Variants in NALF1 observed in about 807,000 individuals in gnomAD.
NALF1 encodes the protein NALCN channel auxiliary factor 1.
A neutral mutation model predicts 48.4 loss-of-function variants in NALF1; 3 were observed. The ratio of observed to expected loss-of-function variants is 0.06; its 90% CI spans 0.03 to 0.16. The LOEUF is 0.16. Among genes scored for constraint, NALF1 ranks in the 10% least tolerant of loss-of-function variants. The probability of loss-of-function intolerance (pLI) is 1.00; values close to 1 mark genes in which losing one functional copy is unlikely to be tolerated. For missense variants in NALF1, 526 were observed against 571.5 expected, an observed-to-expected ratio of 0.92 and a Z score of 0.81; for synonymous variants, 262 against 245.7, an observed-to-expected ratio of 1.07 and a Z score of -0.62.
At chr13:107,832,215 G>T (rs116179687) in intron 1 of NALF1, among the ~76,000 whole-genome samples, 2,939 of 151,614 alleles carry the variant, frequency 0.019, 108 homozygotes, top group African/African-American at 0.066. Flanking sequence ...CTACCTTCAA[G>T]CTGATAATTA....
intron 1 of NALF1, among the ~76,000 whole-genome samples, chr13:107,219,151 T>C (rs780993478): frequency 9.2e-5 from 14 of 152,204 alleles, no homozygotes; most frequent in Non-Finnish European, 1.3e-4. Flanking sequence ...CTTCTGAGTG[T>C]TGGCCGTGGA....
intron 1 of NALF1, among the ~76,000 whole-genome samples, chr13:107,290,067 G>A (rs1405846069): frequency 7.3e-5 from 11 of 151,274 alleles, no homozygotes; most frequent in African/African-American, 2.4e-4. Flanking sequence ...TGGGTGCTTG[G>A]ACTTAGTAGA....
chr13:107,615,318 A>G (rs1456163746), intron 1 of NALF1, among the ~76,000 whole-genome samples: 1 of 151,998 alleles, frequency 6.6e-6, no homozygotes, highest in Non-Finnish European at 1.5e-5. Flanking sequence ...TCTATTTTCC[A>G]TTCTTTTGCC....
At chr13:107,437,312 C>A (rs557349462) in intron 1 of NALF1, among the ~76,000 whole-genome samples, 4 of 152,288 alleles carry the variant, frequency 2.6e-5, no homozygotes, top group African/African-American at 9.6e-5. Context: ...AGTCCGATCA[C>A]TTTGAAAAAT....
At chr13:107,524,263 G>A (rs1196802918) in intron 1 of NALF1, among the ~76,000 whole-genome samples, 1 of 152,036 alleles carries the variant, frequency 6.6e-6, no homozygotes, top group South Asian at 2.1e-4. Context: ...AGTTGAAGAT[G>A]TTGGAAAAGT....
chr13:107,423,407 G>A (rs976955550), intron 1 of NALF1, among the ~76,000 whole-genome samples: 2 of 152,122 alleles, frequency 1.3e-5, no homozygotes, highest in Non-Finnish European at 2.9e-5. Context: ...GAAAGCTTTC[G>A]TCGGTGGAGA....
At chr13:107,461,615 T>C (rs1377443777) in intron 1 of NALF1, among the ~76,000 whole-genome samples, 2 of 152,220 alleles carry the variant, frequency 1.3e-5, no homozygotes, top group Non-Finnish European at 2.9e-5. Flanking sequence ...GTCAAAAATA[T>C]TTTCAAGTTT....
rs137922229 is a variant in NALF1, at chr13:107,201,438, G to A, written c.1087+9146C>T. Among the ~76,000 whole-genome samples the A allele has an allele frequency of 3.4e-3, 524 of 152,266 alleles. 1 individual carries two copies. Among genetic ancestry groups the A allele is most frequent in the African/African-American group, 0.011 (465 of 41,568 alleles). On this transcript the variant is annotated intron_variant, in intron 2 of 2. Coordinates refer to ENST00000375915, the MANE Select transcript of NALF1 (RefSeq NM_001080396.3). ...AAAAATACCAAAAAACCAGCCGGAC[G>A]TGGTGGCGGGCGCCTGTAGTCCCAG...
chr13:107,679,731 A>T (rs1051751996), intron 1 of NALF1, among the ~76,000 whole-genome samples: 1 of 152,024 alleles, frequency 6.6e-6, no homozygotes, highest in Non-Finnish European at 1.5e-5. Flanking sequence ...TGGTGCCTCC[A>T]TTTTTACAAC....
At chr13:107,173,604 C>T (rs542046751) in intron 2 of NALF1, among the ~76,000 whole-genome samples, 14 of 152,328 alleles carry the variant, frequency 9.2e-5, no homozygotes, top group African/African-American at 3.4e-4. Flanking sequence ...GTCTCCACTG[C>T]TCCGTGCACT....
chr13:107,865,898 C>T lies in NALF1; in HGVS notation c.699G>A (p.Glu233=). 6.2e-7 allele frequency: 1 copy of T among 1,614,124 alleles called. No homozygotes were observed. Among genetic ancestry groups the T allele is most frequent in the Non-Finnish European group, 8.5e-7 (1 of 1,180,030 alleles). Residue 233 remains glutamate, a synonymous_variant, in exon 1 of 3, where the codon GAG becomes GAA. Transcript: ENST00000375915. ...LSFCNSYTLW[E]LFSGLSSPNT... ...TGGGACTGGACAACCCCGAGAACAA[C>T]TCCCAAAGTGTGTAGGAATTACAAA...
intron 1 of NALF1, among the ~76,000 whole-genome samples, chr13:107,366,838 T>C (rs1335896448): frequency 1.3e-5 from 2 of 152,214 alleles, no homozygotes; most frequent in African/African-American, 4.8e-5. Flanking sequence ...AAGGCAGGTG[T>C]TCACGTTCAT....
At chr13:107,588,508 C>A (rs1162805620) in intron 1 of NALF1, among the ~76,000 whole-genome samples, 2 of 151,954 alleles carry the variant, frequency 1.3e-5, no homozygotes, top group South Asian at 2.1e-4. Context: ...AGGGTTTGGG[C>A]ATACGTGAAA....
chr13:107,864,284 T>C (rs913749177), intron 1 of NALF1, among the ~76,000 whole-genome samples: 1 of 152,214 alleles, frequency 6.6e-6, no homozygotes, highest in African/African-American at 2.4e-5. Context: ...GAGAGCTGTG[T>C]TTCTGGTCTT....
intron 1 of NALF1, among the ~76,000 whole-genome samples, chr13:107,757,734 A>G (rs929752187): frequency 2.0e-5 from 3 of 152,270 alleles, no homozygotes; most frequent in Non-Finnish European, 4.4e-5. Flanking sequence ...AGACCTTAAG[A>G]AAACTCTTAA....
At chr13:107,377,561 C>G (rs538413794) in intron 1 of NALF1, among the ~76,000 whole-genome samples, 1 of 151,692 alleles carries the variant, frequency 6.6e-6, no homozygotes, top group Non-Finnish European at 1.5e-5. Flanking sequence ...CACTTGAGCC[C>G]AAGAGTTCGA....
At chr13:107,743,749 G>A (rs1424393314) in intron 1 of NALF1, among the ~76,000 whole-genome samples, 1 of 152,102 alleles carries the variant, frequency 6.6e-6, no homozygotes, top group African/African-American at 2.4e-5. Flanking sequence ...TTGCCTATGC[G>A]GTATGCCTTG....
chr13:107,225,570 C>A (rs1185455900), intron 1 of NALF1, among the ~76,000 whole-genome samples: 1 of 152,090 alleles, frequency 6.6e-6, no homozygotes, highest in Non-Finnish European at 1.5e-5. Flanking sequence ...AACCACAGAA[C>A]CTGGCCTCAG....
intron 1 of NALF1, among the ~76,000 whole-genome samples, chr13:107,439,550 T>A (rs1480775047): frequency 1.3e-5 from 2 of 152,210 alleles, no homozygotes; most frequent in East Asian, 3.9e-4. Flanking sequence ...AAAAAAAGCC[T>A]TATCTACAGA....
Sources: gnomAD v4.1 joint callset for allele counts (sites outside exome capture counted in the v4.1 genomes callset) on GRCh38, gnomAD v4.1.1 for gene constraint, MANE v1.5 for transcripts, NCBI Gene and HGNC (gene_info 2026-07-23, HGNC 2026-07-21) for gene names.